MARK3: variants seen among roughly 807,000 people sequenced by gnomAD.
MARK3 encodes microtubule affinity regulating kinase 3, also known as MAP/microtubule affinity-regulating kinase 3.
Under a neutral mutation model 90.1 loss-of-function variants are expected in MARK3, and 46 were observed. The ratio of observed to expected loss-of-function variants is 0.51; its 90% CI spans 0.40 to 0.65. The LOEUF is 0.65. MARK3 is among the 30% of genes least tolerant of loss of function. MARK3 has a pLI of 0.00. For missense variants in MARK3, 818 were observed against 947.2 expected (o/e 0.86, Z 1.79); for synonymous variants, 321 against 332.6 (o/e 0.97, Z 0.38).
At chr14:103,453,960 G>C (rs2141375267) in intron 5 of MARK3, among the ~76,000 whole-genome samples, 1 of 152,322 alleles carries the variant, frequency 6.6e-6, no homozygotes, top group Middle Eastern at 3.4e-3. Flanking sequence ...ACGGCTTTCT[G>C]TTCCCATCTG....
chr14:103,434,974 C>T (rs886878314), intron 3 of MARK3, among the ~76,000 whole-genome samples: 1 of 152,164 alleles, frequency 6.6e-6, no homozygotes, highest in African/African-American at 2.4e-5. Flanking sequence ...CTAGTATTTG[C>T]TTTGGAGCCA....
chr14:103,420,541 T>G lies in MARK3; in HGVS notation c.244-7846T>G, dbSNP rs533210795. On this transcript the variant is annotated intron_variant, in intron 2 of 17. Coordinates refer to ENST00000429436, the MANE Select transcript of MARK3 (RefSeq NM_001128918.3). ...CCACCACACCTGGCCAACACTTTTT[T>G]TGTGTGTGTGGTAAAATACATACAA... Among the ~76,000 whole-genome samples the G allele has an allele frequency of 1.5e-4, 23 of 152,306 alleles. No individual in the cohort carries two copies. The East Asian group carries it at 3.5e-3, about 23-fold the overall frequency.
At chr14:103,484,308 C>A (rs1384125985) in intron 14 of MARK3, among the ~76,000 whole-genome samples, 1 of 152,102 alleles carries the variant, frequency 6.6e-6, no homozygotes, top group Non-Finnish European at 1.5e-5. Flanking sequence ...CTCCCAGTAG[C>A]TGGGATTACA....
At chr14:103,428,544 A>C (rs1252013925) in intron 3 of MARK3, 104 bp downstream of exon 3, 4 of 663,104 alleles carry the variant, frequency 6.0e-6, no homozygotes, top group African/African-American at 1.9e-5. Flanking sequence ...GTTTAATGCC[A>C]TAAAGCTTCC....
rs1463904950 is a variant in MARK3, at chr14:103,432,737, T to A, written c.297+4297T>A. On this transcript the variant is annotated intron_variant, in intron 3 of 17. Coordinates refer to ENST00000429436, the MANE Select transcript of MARK3 (RefSeq NM_001128918.3). ...CAGGTGTGGTGGTGTGTACCTGTAG[T>A]TCCAGCTACTTAGGAGGCTAAGATG... 9.9e-5 allele frequency among the ~76,000 whole-genome samples: 15 copies of A among 152,150 alleles called. No homozygotes were observed. In the East Asian group the frequency reaches 2.9e-3, roughly 29 times the overall value.
chr14:103,501,369 G>A (rs1459341226), intron 17 of MARK3, among the ~76,000 whole-genome samples: 1 of 152,188 alleles, frequency 6.6e-6, no homozygotes, highest in Non-Finnish European at 1.5e-5. Flanking sequence ...GGACCTACGT[G>A]GGCATCAAGT....
At chr14:103,419,091 A>G (rs1293740550) in intron 2 of MARK3, among the ~76,000 whole-genome samples, 1 of 152,198 alleles carries the variant, frequency 6.6e-6, no homozygotes, top group Non-Finnish European at 1.5e-5. Context: ...GATCGAGACC[A>G]TCCTGGCTAA....
rs1318553005 is a variant in MARK3, at chr14:103,385,508, A to G, written c.-522A>G. 1 of 154,202 alleles carries G rather than the reference A, an allele frequency of 6.5e-6. No individual in the cohort carries two copies. The highest frequency in any genetic ancestry group is 2.4e-5 in the African/African-American group (1 of 41,368). The allele number at this position is 154,202 out of a possible 1,614,324, so 9.6% of individuals were successfully genotyped here. A position where few individuals can be genotyped will look rare whatever the true frequency, so the allele number is the denominator to read the frequency against. On this transcript the variant is annotated 5_prime_UTR_variant, in exon 1 of 18. Transcript: ENST00000429436. ...GCAGCAAGCTCGCTAGAGAGGGAGAAGCAGTCGGGCGCAGGCGCCTCCTCC... is the reference window on the plus strand; with the variant it reads ...GCAGCAAGCTCGCTAGAGAGGGAGAGGCAGTCGGGCGCAGGCGCCTCCTCC...
chr14:103,454,908 G>A (rs2093240687), intron 5 of MARK3, among the ~76,000 whole-genome samples: 1 of 152,182 alleles, frequency 6.6e-6, no homozygotes, highest in Non-Finnish European at 1.5e-5. Context: ...TCCTGCCCAG[G>A]CAGGAGAGCC....
intron 2 of MARK3, chr14:103,412,710 G>A: frequency 1.6e-6 from 1 of 614,646 alleles, no homozygotes. Flanking sequence ...TTCCCGTGCA[G>A]GACTTCCTGC....
chr14:103,429,045 A>G (rs2092498813), intron 3 of MARK3: 2 of 152,336 alleles, frequency 1.3e-5, no homozygotes, highest in Admixed American at 6.5e-5. Context: ...TAACACTTAC[A>G]TAATAATGCC....
rs1473496041 is a variant in MARK3 at position 103,403,105 on chromosome 14, A to G, written c.52-1971A>G. 2.8e-5 allele frequency among the ~76,000 whole-genome samples: 4 copies of G among 141,184 alleles called. No homozygotes were observed. The Admixed American group carries it at 3.1e-4, about 11-fold the overall frequency. 92.6% of individuals were successfully genotyped at this position (141,184 alleles called of 152,430 possible). The stretch of plus-strand genomic sequence containing the variant: ...GTACGAATAGGATGACCCAATTAGT[A>G]TGATCAGCTTTCACACATGAAGGTT... On this transcript the variant is annotated intron_variant, in intron 1 of 17. Transcript: ENST00000429436.
At chr14:103,481,095 A>G (rs2093810642) in intron 14 of MARK3, among the ~76,000 whole-genome samples, 1 of 152,250 alleles carries the variant, frequency 6.6e-6, no homozygotes, top group South Asian at 2.1e-4. Context: ...GCATCCTATC[A>G]TGCACATGAT....
At chr14:103,403,209 T>C (rs1157899820) in intron 1 of MARK3, among the ~76,000 whole-genome samples, 4 of 152,168 alleles carry the variant, frequency 2.6e-5, no homozygotes, top group African/African-American at 2.4e-5. Context: ...TGGCCAGTAG[T>C]ATAAATTCAG....
At chr14:103,481,120 GAAATAAAATAAGTAGAGTCAGTA>G (rs2093811331) in intron 14 of MARK3, among the ~76,000 whole-genome samples, 1 of 152,178 alleles carries the variant, frequency 6.6e-6, no homozygotes, top group African/African-American at 2.4e-5. Flanking sequence ...TTGGGGTTTT[GAAATAAAATAAGTAGAGTCAGTA>G]AAATGGGATT....
At chr14:103,465,851 A>T in intron 8 of MARK3, 58 bp downstream of exon 8, 1 of 1,535,454 alleles carries the variant, frequency 6.5e-7, no homozygotes, top group Non-Finnish European at 8.9e-7. Context: ...CTAATATTAC[A>T]TGGCTTAATA....
At chr14:103,413,229 T>G (rs1027651733) in intron 2 of MARK3, among the ~76,000 whole-genome samples, 2 of 152,156 alleles carry the variant, frequency 1.3e-5, no homozygotes, top group Non-Finnish European at 2.9e-5. Context: ...GTTTTCAGGT[T>G]TTGTAACTTT....
chr14:103,464,256 G>A (rs1244379225), intron 7 of MARK3, among the ~76,000 whole-genome samples: 1 of 147,878 alleles, frequency 6.8e-6, no homozygotes, highest in Admixed American at 6.7e-5. Context: ...TAGCCACATA[G>A]GAAATGTTTC....
intron 2 of MARK3, among the ~76,000 whole-genome samples, chr14:103,418,102 C>G (rs958810936): frequency 6.6e-6 from 1 of 151,840 alleles, no homozygotes; most frequent in African/African-American, 2.4e-5. Flanking sequence ...GTCTCCTCTT[C>G]TCTCCCCAGC....
Sources: allele counts gnomAD v4.1 joint callset (sites outside exome capture counted in the v4.1 genomes callset), GRCh38; gene constraint gnomAD v4.1.1; transcripts MANE v1.5; gene names NCBI Gene and HGNC (gene_info 2026-07-23, HGNC 2026-07-21).